ZNF225: variants seen among roughly 807,000 people sequenced by gnomAD.
ZNF225 encodes the protein zinc finger protein 225.
ZNF225 carries 6 observed loss-of-function variants against 12.0 expected under a neutral mutation model. That is an observed-to-expected ratio of 0.50 (90% CI 0.27 to 0.98). The LOEUF (loss-of-function observed/expected upper bound fraction) is 0.98, where lower values mean the gene tolerates loss of function less well. Among genes scored for constraint, ZNF225 ranks in the 50% least tolerant of loss-of-function variants. The probability of loss-of-function intolerance (pLI) is 0.11; values close to 1 mark genes in which losing one functional copy is unlikely to be tolerated. For synonymous variants in ZNF225, 271 were observed against 283.2 expected, an observed-to-expected ratio of 0.96 and a Z score of 0.43; for missense variants, 763 against 848.2, an observed-to-expected ratio of 0.90 and a Z score of 1.25.
chr19:44,132,263 A>T lies in ZNF225; in HGVS notation c.1649A>T (p.Asn550Ile). The T allele has an allele frequency of 1.2e-6, 2 of 1,613,342 alleles. No individual in the cohort carries two copies. ...TGTGAAGAGTGTGGGAAGGGCTTCA[A>T]CAGTAAGTTTAATCTTGACATGCAC... ...YKCEECGKGF[N>I]SKFNLDMHQR... The change falls in exon 5 of 5, where the codon AAC becomes ATC. Residue 550 changes from asparagine (N) to isoleucine (I), a missense_variant. Physicochemically the swap from Asn to Ile is moderately radical, Grantham distance 149. Coordinates refer to ENST00000262894, the MANE Select transcript of ZNF225 (RefSeq NM_013362.4).
intron 4 of ZNF225, among the ~76,000 whole-genome samples, chr19:44,126,373 A>T (rs980084373): frequency 1.3e-5 from 2 of 152,216 alleles, no homozygotes; most frequent in African/African-American, 4.8e-5. Flanking sequence ...CTGTCTGCAC[A>T]GAGTCCTGTG....
chr19:44,121,693 A>G lies in ZNF225; in HGVS notation c.235+3119A>G, dbSNP rs1480033831. Among the ~76,000 whole-genome samples, 6 of 152,320 alleles carry G rather than the reference A, an allele frequency of 3.9e-5. 1 individual carries two copies. Among genetic ancestry groups the G allele is most frequent in the African/African-American group, 1.2e-4 (5 of 41,566 alleles). ...GATTTTTGATTATGGTCATTCTTGC[A>G]GGAGTAAGGTGGTATCGCATTGTGG... On this transcript the variant is annotated intron_variant, in intron 4 of 4. Coordinates refer to ENST00000262894, the MANE Select transcript of ZNF225 (RefSeq NM_013362.4).
At position 44,131,349 on chromosome 19, in the gene ZNF225, A is replaced by G. The variant is rs1968253406; in HGVS notation, c.735A>G (p.Ser245=). The G allele has an allele frequency of 6.2e-7, 1 of 1,614,088 alleles. No homozygotes were observed. The highest frequency in any genetic ancestry group is 8.5e-7 in the Non-Finnish European group (1 of 1,180,036). Residue 245 remains serine, a synonymous_variant, in exon 5 of 5, where the codon TCA becomes TCG. Transcript: ENST00000262894. ...EQCGKGFSRR[S]GLYVHRKLHT... Reference sequence around the variant, plus strand: ...GTGGGAAAGGCTTTAGTCGTAGATCAGGACTTTATGTTCATCGTAAATTAC... The same window carrying G: ...GTGGGAAAGGCTTTAGTCGTAGATCGGGACTTTATGTTCATCGTAAATTAC...
chr19:44,113,636 T>G (rs1178395961), intron 1 of ZNF225, 67 bp downstream of exon 1: 1 of 152,214 alleles, frequency 6.6e-6, no homozygotes, highest in Non-Finnish European at 1.5e-5. Flanking sequence ...GGGGCTCTCC[T>G]CGCGTCCCCG....
At chr19:44,115,679 A>T in intron 1 of ZNF225, 81 bp from the exon 2 acceptor site, 1 of 660,306 alleles carries the variant, frequency 1.5e-6, no homozygotes, top group Non-Finnish European at 2.5e-6. Flanking sequence ...GTGTTAATTT[A>T]CAATACACAT....
chr19:44,113,197 CT>C (rs1967865604), upstream of ZNF225: 1 of 152,586 alleles, frequency 6.6e-6, no homozygotes, highest in Non-Finnish European at 1.5e-5. Flanking sequence ...AGTCCAGACG[CT>C]CAGTGGAGTA....
chr19:44,118,370 C>T (rs1411962435), intron 3 of ZNF225, 56 bp downstream of exon 3: 78 of 1,610,218 alleles, frequency 4.8e-5, no homozygotes, highest in Non-Finnish European at 6.0e-5. Context: ...GCTTTGTATC[C>T]TAGAGTGTTC....
intron 1 of ZNF225, among the ~76,000 whole-genome samples, chr19:44,114,496 A>C (rs1967898641): frequency 6.6e-6 from 1 of 152,174 alleles, no homozygotes; most frequent in African/African-American, 2.4e-5. Flanking sequence ...ATACCACAGA[A>C]GTGGTAAATC....
rs1214359321 is a variant in ZNF225, at chr19:44,134,084, CTA to C, written c.*1353_*1354del. On this transcript the variant is annotated 3_prime_UTR_variant, in exon 5 of 5. Transcript: ENST00000262894. ...ACTCAGAATATAGTTGTACTCATGA[CTA>C]TATTATAGTGACAGGATACAAATAA... is the stretch of plus-strand genomic sequence containing the variant. 2 of 151,920 alleles carry C rather than the reference CTA, an allele frequency of 1.3e-5. No individual in the cohort carries two copies. The highest frequency in any genetic ancestry group is 2.4e-5 in the African/African-American group (1 of 41,328). 9.4% of individuals were successfully genotyped at this position (151,920 alleles called of 1,614,324 possible). A position where few individuals can be genotyped will look rare whatever the true frequency, so the allele number is the denominator to read the frequency against.
In ZNF225 at chr19:44,122,715, C is replaced by T. The variant is rs182121646; in HGVS notation, c.235+4141C>T. On this transcript the variant is annotated intron_variant, in intron 4 of 4. Transcript: ENST00000262894. Reference sequence around the variant, plus strand: ...TTTTCCTTGTAGAGGTCTTTTGACTCCTTGGTTAGGTGTATTCCTGAGTAT... The same window carrying T: ...TTTTCCTTGTAGAGGTCTTTTGACTTCTTGGTTAGGTGTATTCCTGAGTAT... Among the ~76,000 whole-genome samples the T allele has an allele frequency of 2.7e-3, 408 of 152,168 alleles. 1 individual carries two copies. Among genetic ancestry groups the T allele is most frequent in the African/African-American group, 8.9e-3 (371 of 41,516 alleles).
chr19:44,117,167 C>G (rs1001988774), intron 2 of ZNF225, among the ~76,000 whole-genome samples: 2 of 152,226 alleles, frequency 1.3e-5, no homozygotes, highest in East Asian at 3.8e-4. Context: ...CACTGATCAA[C>G]TTTCCCAATG....
At chr19:44,115,563 C>T (rs1326771517) in intron 1 of ZNF225, 197 bp from the exon 2 acceptor site, 7 of 367,522 alleles carry the variant, frequency 1.9e-5, no homozygotes, top group African/African-American at 1.0e-4. Context: ...AAATAAGATT[C>T]CATTGTATGG....
upstream of ZNF225, chr19:44,112,728 A>G (rs559442081): frequency 2.6e-5 from 4 of 152,372 alleles, no homozygotes; most frequent in Admixed American, 1.3e-4. Context: ...CACAAAGACT[A>G]TAATAGTGGC....
At chr19:44,130,700 CAAAAAAAAAAA>C (rs775988972) in intron 4 of ZNF225, 139 bp from the exon 5 acceptor site, 17 of 169,964 alleles carry the variant, frequency 1.0e-4, no homozygotes, top group Admixed American at 1.4e-4. Context: ...GACTCCATCT[CAAAAAAAAAAA>C]AAAAAAAAAA....
intron 2 of ZNF225, among the ~76,000 whole-genome samples, chr19:44,117,594 C>T (rs1967965438): frequency 1.3e-5 from 2 of 152,178 alleles, no homozygotes; most frequent in South Asian, 4.1e-4. Context: ...ATTTAGAGTC[C>T]TACAGGGTTA....
At chr19:44,129,092 A>C in intron 4 of ZNF225, 2 of 1,231,522 alleles carry the variant, frequency 1.6e-6, no homozygotes, top group Non-Finnish European at 2.0e-6. Context: ...ATCCTTTTCT[A>C]TTTCAGGTAA....
intron 4 of ZNF225, among the ~76,000 whole-genome samples, chr19:44,121,224 A>C (rs914943779): frequency 3.9e-5 from 6 of 152,192 alleles, no homozygotes; most frequent in Non-Finnish European, 7.3e-5. Context: ...TAGCTCCCAC[A>C]TATCAGTGAG....
intron 4 of ZNF225, chr19:44,129,029 G>A (rs1968197367): frequency 1.1e-5 from 13 of 1,230,116 alleles, no homozygotes; most frequent in Non-Finnish European, 1.3e-5. Context: ...CCCCCTTTGT[G>A]TATTTCTGTC....
At chr19:44,112,504 AT>A (rs1043268117), upstream of ZNF225, among the ~76,000 whole-genome samples, 2 of 152,010 alleles carry the variant, frequency 1.3e-5, no homozygotes, top group African/African-American at 4.8e-5. Flanking sequence ...CCTTAAAATA[AT>A]TTTGTTTTGT....
Sources: allele counts gnomAD v4.1 joint callset (sites outside exome capture counted in the v4.1 genomes callset), GRCh38; gene constraint gnomAD v4.1.1; transcripts MANE v1.5; gene names NCBI Gene and HGNC (gene_info 2026-07-23, HGNC 2026-07-21).